PCDHGA6: variants seen among roughly 807,000 people sequenced by gnomAD.
The protein encoded by PCDHGA6 is protocadherin gamma subfamily A, 6.
Under a neutral mutation model 60.6 loss-of-function variants are expected in PCDHGA6, and 41 were observed. The observed-to-expected ratio is 0.68, with a 90% CI of 0.53 to 0.88. The LOEUF is 0.88. Ranked by LOEUF, PCDHGA6 falls within the 40% of genes least tolerant of loss-of-function variation. PCDHGA6 has a pLI of 0.00. For synonymous variants in PCDHGA6, 594 were observed against 524.4 expected, an observed-to-expected ratio of 1.13 and a Z score of -1.81; for missense variants, 1,312 against 1,203.0, an observed-to-expected ratio of 1.09 and a Z score of -1.34.
chr5:141,409,474 C>T, intron 1 of PCDHGA6: 1 of 1,614,002 alleles, frequency 6.2e-7, no homozygotes, highest in Non-Finnish European at 8.5e-7. Flanking sequence ...CCATCGTAGC[C>T]ACTGACAGGG....
rs1293667748 is a variant in PCDHGA6 at position 141,376,348 on chromosome 5, C to T, written c.2265C>T (p.His755=). 6 of 1,614,184 alleles carry T rather than the reference C, an allele frequency of 3.7e-6. No individual in the cohort carries two copies. The highest frequency in any genetic ancestry group is 4.2e-6 in the Non-Finnish European group (5 of 1,180,040). ...GGGCTTTCCTGCAGACCTATTCCCA[C>T]GAGGTCTCACTCACTGCAGACTCGC... ...GVRAFLQTYS[H]EVSLTADSRK... The change falls in exon 1 of 4, where the codon CAC becomes CAT. Residue 755 remains histidine, a synonymous_variant. Transcript: ENST00000517434.
intron 2 of PCDHGA6, among the ~76,000 whole-genome samples, chr5:141,497,832 G>A (rs1326640712): frequency 1.3e-5 from 2 of 151,992 alleles, no homozygotes; most frequent in Non-Finnish European, 2.9e-5. Context: ...GATCGCCCCC[G>A]GCCACAACAA....
At position 141,438,631 on chromosome 5, in the gene PCDHGA6, T is replaced by C. The variant is rs1227796079; in HGVS notation, c.2425-56176T>C. 6.5e-4 allele frequency among the ~76,000 whole-genome samples: 28 copies of C among 43,202 alleles called. 1 individual carries two copies. Among genetic ancestry groups the C allele is most frequent in the Non-Finnish European group, 8.8e-4 (23 of 26,272 alleles). 28.3% of individuals were successfully genotyped at this position (43,202 alleles called of 152,430 possible). On this transcript the variant is annotated intron_variant, in intron 1 of 3. Transcript: ENST00000517434. ...ATATATATATATATATATATATATATATATACACACACACACACACATATA... is the reference window on the plus strand; with the variant it reads ...ATATATATATATATATATATATATACATATACACACACACACACACATATA...
chr5:141,477,438 C>A lies in PCDHGA6; in HGVS notation c.2425-17369C>A, dbSNP rs1386997844. The A allele has an allele frequency of 3.1e-6, 5 of 1,614,174 alleles. No individual in the cohort carries two copies. The Admixed American group carries it at 6.7e-5, about 22-fold the overall frequency. On this transcript the variant is annotated intron_variant, in intron 1 of 3. Coordinates refer to ENST00000517434, the MANE Select transcript of PCDHGA6 (RefSeq NM_018919.3). The surrounding 1 kb of genome is among the most constrained non-coding windows in gnomAD (Gnocchi z 4.9). ...GGAACCCCTTCCCTCTCAGCCCTTA[C>A]AATAGTGCGTGTTCAAGTGTCCGAC...
chr5:141,508,824 G>A (rs893436748), intron 3 of PCDHGA6, among the ~76,000 whole-genome samples: 9 of 151,952 alleles, frequency 5.9e-5, no homozygotes, highest in Admixed American at 3.3e-4. Flanking sequence ...CCAGATCTGG[G>A]CCCCCCTCCC....
chr5:141,405,927 A>G (rs138259154), intron 1 of PCDHGA6, among the ~76,000 whole-genome samples: 13 of 152,268 alleles, frequency 8.5e-5, no homozygotes, highest in African/African-American at 2.6e-4. Flanking sequence ...ATTTGCTGAT[A>G]TAACTTTCAT....
intron 1 of PCDHGA6, chr5:141,413,901 C>T (rs375828969): frequency 1.5e-5 from 24 of 1,613,244 alleles, no homozygotes; most frequent in African/African-American, 1.1e-4. Context: ...CAAATGACAA[C>T]GCGCCGGTCT....
chr5:141,404,695 TGCAGAGCC>T, intron 1 of PCDHGA6: 1 of 1,614,122 alleles, frequency 6.2e-7, no homozygotes, highest in Non-Finnish European at 8.5e-7. Flanking sequence ...CACCCCGCTC[TGCAGAGCC>T]TGGCTACCTG....
At chr5:141,470,139 A>AT (rs146570937) in intron 1 of PCDHGA6, among the ~76,000 whole-genome samples, 7,047 of 152,316 alleles carry the variant, frequency 0.046, 200 homozygotes, top group Middle Eastern at 0.092. Flanking sequence ...AAAAAAAAAG[A>AT]TCATAGATCA....
chr5:141,444,467 G>C (rs1288596542), intron 1 of PCDHGA6, among the ~76,000 whole-genome samples: 2 of 151,998 alleles, frequency 1.3e-5, no homozygotes, highest in Admixed American at 6.6e-5. Flanking sequence ...CACTGCGCCC[G>C]GTCGCGTACT....
chr5:141,499,260 G>T (rs2099790657), intron 2 of PCDHGA6, among the ~76,000 whole-genome samples: 1 of 152,028 alleles, frequency 6.6e-6, no homozygotes, highest in African/African-American at 2.4e-5. Context: ...GTCTCCATTT[G>T]GTCCCTAGAC....
At position 141,389,010 on chromosome 5, in the gene PCDHGA6, C is replaced by G. The variant is rs141101630; in HGVS notation, c.2424+12503C>G. ...CAAAGTCCGTGACAAGGATTCCAGA[C>G]ACAATGGAGAAGTGACTTGTAAATT... On this transcript the variant is annotated intron_variant, in intron 1 of 3. Transcript: ENST00000517434. 227 of 1,613,980 alleles carry G rather than the reference C, an allele frequency of 1.4e-4. 1 individual carries two copies. In the African/African-American group the frequency reaches 2.6e-3, roughly 18 times the overall value.
At chr5:141,395,215 A>G in intron 1 of PCDHGA6, 1 of 1,612,350 alleles carries the variant, frequency 6.2e-7, no homozygotes, top group Middle Eastern at 1.7e-4. Context: ...CATGAATATA[A>G]GAATGAAGCT....
Position 141,432,736 on chromosome 5 carries a change from G to T in PCDHGA6, c.2424+56229G>T. On this transcript the variant is annotated intron_variant, in intron 1 of 3. Transcript: ENST00000517434. The surrounding 1 kb of genome is among the most constrained non-coding windows in gnomAD (Gnocchi z 6.0). ...AGCCCCCTCTCTCCGCCACTGTCACGCTCACCGTGGCCGTGGCCGACAGCA... is the reference window on the plus strand; with the variant it reads ...AGCCCCCTCTCTCCGCCACTGTCACTCTCACCGTGGCCGTGGCCGACAGCA... The T allele has an allele frequency of 6.2e-7, 1 of 1,614,058 alleles. No individual in the cohort carries two copies. The highest frequency in any genetic ancestry group is 8.5e-7 in the Non-Finnish European group (1 of 1,179,980).
At chr5:141,456,700 C>T (rs1420857227) in intron 1 of PCDHGA6, among the ~76,000 whole-genome samples, 1 of 152,060 alleles carries the variant, frequency 6.6e-6, no homozygotes, top group Admixed American at 6.6e-5. Flanking sequence ...CGTGGTGGCT[C>T]GCGCCTGTAA....
intron 1 of PCDHGA6, chr5:141,414,330 G>T: frequency 6.2e-7 from 1 of 1,613,714 alleles, no homozygotes; most frequent in Non-Finnish European, 8.5e-7. Flanking sequence ...AGAATGGACA[G>T]GTAACCTGTT....
At chr5:141,384,078 A>G in intron 1 of PCDHGA6, 1 of 1,598,728 alleles carries the variant, frequency 6.3e-7, no homozygotes. Context: ...TACCTTTTAA[A>G]TTAGAAAAAT....
intron 1 of PCDHGA6, chr5:141,404,552 G>A: frequency 6.2e-7 from 1 of 1,613,826 alleles, no homozygotes; most frequent in Non-Finnish European, 8.5e-7. Context: ...GCAGGTGACG[G>A]CAAGTGACAG....
intron 1 of PCDHGA6, chr5:141,413,350 G>A: frequency 6.2e-7 from 1 of 1,613,974 alleles, no homozygotes; most frequent in Non-Finnish European, 8.5e-7. Context: ...CTTGGGTCTG[G>A]CGCCCCGGGA....
Sources: allele counts gnomAD v4.1 joint callset (sites outside exome capture counted in the v4.1 genomes callset), GRCh38; gene constraint gnomAD v4.1.1; non-coding constraint Gnocchi (gnomAD v3.1); transcripts MANE v1.5; gene names NCBI Gene and HGNC (gene_info 2026-07-23, HGNC 2026-07-21).